CDH13: variants seen among roughly 807,000 people sequenced by gnomAD.
CDH13 encodes the protein cadherin 13.
In CDH13, 24 loss-of-function variants were observed where a neutral mutation model predicts 63.8. The ratio of observed to expected loss-of-function variants is 0.38; its 90% CI spans 0.27 to 0.53. The LOEUF is 0.53. Ranked by LOEUF, CDH13 falls within the 20% of genes least tolerant of loss-of-function variation. The pLI, the probability that CDH13 is intolerant of heterozygous loss-of-function variation, is 0.85. For missense variants in CDH13, 1,049 were observed against 903.1 expected (o/e 1.16, Z -2.07); for synonymous variants, 503 against 355.3 (o/e 1.42, Z -4.67).
chr16:82,791,464 C>G (rs150327066), intron 1 of CDH13, among the ~76,000 whole-genome samples: 1 of 152,196 alleles, frequency 6.6e-6, no homozygotes, highest in Non-Finnish European at 1.5e-5. Flanking sequence ...CCCAGGCATT[C>G]GAGCAGGGTG....
chr16:82,668,698 A>G lies in CDH13; in HGVS notation c.45+41561A>G, dbSNP rs144860343. ...AGAGTTCTGAGTGATTCTGATGTAC[A>G]CTAAAGTTTGGGAATGACTGTCGTA... On this transcript the variant is annotated intron_variant, in intron 1 of 13. Transcript: ENST00000567109. 7.0e-3 allele frequency among the ~76,000 whole-genome samples: 1,066 copies of G among 152,276 alleles called. 18 individuals carry two copies. The highest frequency in any genetic ancestry group is 0.024 in the African/African-American group (1,009 of 41,558).
chr16:82,800,601 G>A (rs2036803090), intron 1 of CDH13, among the ~76,000 whole-genome samples: 1 of 152,134 alleles, frequency 6.6e-6, no homozygotes, highest in African/African-American at 2.4e-5. Context: ...TTAATTTTCA[G>A]GTAATTCTTC....
intron 4 of CDH13, among the ~76,000 whole-genome samples, chr16:83,160,037 C>G (rs1181550339): frequency 6.6e-6 from 1 of 152,078 alleles, no homozygotes; most frequent in African/African-American, 2.4e-5. Context: ...TATCACACCA[C>G]TGCATTCCAG....
chr16:83,682,335 C>T (rs2150877095), intron 10 of CDH13, among the ~76,000 whole-genome samples: 2 of 152,242 alleles, frequency 1.3e-5, no homozygotes, highest in African/African-American at 4.8e-5. Flanking sequence ...GGAAGCTGTT[C>T]TGGGTGGTCT....
chr16:83,165,662 A>T (rs7194704), intron 4 of CDH13, among the ~76,000 whole-genome samples: 150,751 of 152,140 alleles, frequency 0.99, 74,703 homozygotes, highest in East Asian at 1. Flanking sequence ...GAAGCAAATA[A>T]CAGTGACATA....
chr16:83,264,552 ATGTGTG>A (rs35460307), intron 5 of CDH13, among the ~76,000 whole-genome samples: 2 of 149,760 alleles, frequency 1.3e-5, no homozygotes, highest in African/African-American at 2.5e-5. Context: ...ATATATATGT[ATGTGTG>A]TGTGTGTGTA....
chr16:82,651,750 C>T (rs1337338899), intron 1 of CDH13, among the ~76,000 whole-genome samples: 2 of 152,172 alleles, frequency 1.3e-5, no homozygotes, highest in African/African-American at 2.4e-5. Context: ...CCAGGTTTTC[C>T]CTGCTATAAG....
chr16:82,714,678 C>T (rs1158330001), intron 1 of CDH13, among the ~76,000 whole-genome samples: 2 of 129,758 alleles, frequency 1.5e-5, no homozygotes, highest in Non-Finnish European at 3.1e-5. Context: ...CAATCCACTG[C>T]ACTCCAGCCT....
chr16:82,866,483 G>T (rs879383815), intron 2 of CDH13, among the ~76,000 whole-genome samples: 7 of 139,048 alleles, frequency 5.0e-5, no homozygotes, highest in Non-Finnish European at 7.6e-5. Context: ...CTGCCTCCCG[G>T]GTTCAAGCGA....
intron 1 of CDH13, among the ~76,000 whole-genome samples, chr16:82,842,065 G>A (rs1236284835): frequency 7.4e-6 from 1 of 134,920 alleles, no homozygotes; most frequent in Non-Finnish European, 1.6e-5. Flanking sequence ...TTTCTCCCTT[G>A]AAATCTGAGC....
chr16:82,677,941 C>G (rs1172848865), intron 1 of CDH13, among the ~76,000 whole-genome samples: 3 of 152,126 alleles, frequency 2.0e-5, no homozygotes, highest in Non-Finnish European at 4.4e-5. Context: ...TGCTTGATCC[C>G]TGTTGGAAAA....
At chr16:83,515,644 T>A (rs73605851) in intron 7 of CDH13, among the ~76,000 whole-genome samples, 5,992 of 152,278 alleles carry the variant, frequency 0.039, 362 homozygotes, top group African/African-American at 0.14. Context: ...TGCTTAGAAT[T>A]TCTAGATGTC....
At chr16:83,514,194 C>T (rs540610100) in intron 7 of CDH13, among the ~76,000 whole-genome samples, 8 of 152,266 alleles carry the variant, frequency 5.3e-5, no homozygotes, top group East Asian at 1.9e-4. Context: ...TGCAATAAAT[C>T]CCATTATCAC....
At chr16:83,180,406 A>G (rs1298904041) in intron 4 of CDH13, among the ~76,000 whole-genome samples, 1 of 152,038 alleles carries the variant, frequency 6.6e-6, no homozygotes, top group African/African-American at 2.4e-5. Flanking sequence ...CCTAATATGG[A>G]TTATCATAAT....
chr16:83,279,486 A>T (rs1045530262), intron 5 of CDH13, among the ~76,000 whole-genome samples: 5 of 152,166 alleles, frequency 3.3e-5, no homozygotes, highest in African/African-American at 1.2e-4. Context: ...AAATCATTCA[A>T]ACGCTGCACA....
At chr16:82,906,850 G>A (rs2041663621) in intron 2 of CDH13, among the ~76,000 whole-genome samples, 1 of 152,108 alleles carries the variant, frequency 6.6e-6, no homozygotes, top group Non-Finnish European at 1.5e-5. Context: ...ATTGTCTCAT[G>A]ACCTCCTCTT....
In CDH13 at chr16:83,733,592, A is replaced by G. The variant is rs1911252106; in HGVS notation, c.1539-14516A>G. On this transcript the variant is annotated intron_variant, in intron 10 of 13. Transcript: ENST00000567109. Reference sequence around the variant, plus strand: ...TGTGGTCCCCGCTGCAGCTGGCTTCATTTATTGACTTCTTGAAAGTGGCAA... The same window carrying G: ...TGTGGTCCCCGCTGCAGCTGGCTTCGTTTATTGACTTCTTGAAAGTGGCAA... 1.3e-5 allele frequency among the ~76,000 whole-genome samples: 2 copies of G among 152,312 alleles called. 1 individual carries two copies. Among genetic ancestry groups the G allele is most frequent in the African/African-American group, 4.8e-5 (2 of 41,574 alleles).
intron 5 of CDH13, among the ~76,000 whole-genome samples, chr16:83,234,165 A>G (rs1597568456): frequency 6.6e-6 from 1 of 152,232 alleles, no homozygotes; most frequent in Non-Finnish European, 1.5e-5. Context: ...GTGTGTGGCA[A>G]CACTGGTGTC....
intron 11 of CDH13, among the ~76,000 whole-genome samples, chr16:83,775,896 A>G (rs964328435): frequency 1.3e-5 from 2 of 152,122 alleles, no homozygotes; most frequent in African/African-American, 2.4e-5. Flanking sequence ...CTGAAAATCT[A>G]GAGAATACTT....
Sources: allele counts gnomAD v4.1 joint callset (sites outside exome capture counted in the v4.1 genomes callset), GRCh38; gene constraint gnomAD v4.1.1; transcripts MANE v1.5; gene names NCBI Gene and HGNC (gene_info 2026-07-23, HGNC 2026-07-21).